Variants in CRISPLD1 observed in about 807,000 individuals in gnomAD.
CRISPLD1 encodes the protein cysteine-rich secretory protein LCCL domain-containing 1.
In CRISPLD1, 60 loss-of-function variants were observed where a neutral mutation model predicts 77.5. That is an observed-to-expected ratio of 0.77 (90% confidence interval 0.63 to 0.96). The LOEUF is 0.96. Ranked by LOEUF, CRISPLD1 falls within the 40% of genes least tolerant of loss-of-function variation. The pLI is 0.00. For synonymous variants in CRISPLD1, 195 were observed against 200.1 expected, an observed-to-expected ratio of 0.97 and a Z score of 0.22; for missense variants, 623 against 615.8, an observed-to-expected ratio of 1.01 and a Z score of -0.12.
intron 2 of CRISPLD1, 150 bp downstream of exon 2, chr8:74,986,395 T>G (rs7010775): frequency 1.2e-6 from 1 of 800,836 alleles, no homozygotes. Context: ...ATTCGTTTAT[T>G]AATGTTCCTT....
chr8:75,018,557 C>T (rs1260363127), intron 10 of CRISPLD1, among the ~76,000 whole-genome samples: 2 of 151,974 alleles, frequency 1.3e-5, no homozygotes, highest in Non-Finnish European at 2.9e-5. Context: ...TCACAAAGTA[C>T]TGGGATTACA....
At chr8:75,000,742 A>T (rs1032603555) in intron 2 of CRISPLD1, among the ~76,000 whole-genome samples, 6 of 151,940 alleles carry the variant, frequency 3.9e-5, no homozygotes, top group African/African-American at 1.5e-4. Context: ...CTAGCCTCAC[A>T]TTCCTTTGTA....
In CRISPLD1 at chr8:75,020,019, C is replaced by A; in HGVS notation, c.1184C>A (p.Thr395Asn). The change falls in exon 12 of 15, where the codon ACT (threonine) becomes AAT (asparagine). Residue 395 changes from threonine to asparagine, a missense_variant. By Grantham distance (65) the Thr-to-Asn change is moderately conservative (BLOSUM62 0). Coordinates refer to ENST00000262207, the MANE Select transcript of CRISPLD1 (RefSeq NM_031461.6). ...TVSKVTVQAV[T>N]CETTVEQLCP... ...TTTAATTCTTCAGTTCAGGCTGTGA[C>A]TTGTGAAACAACTGTGGAACAGCTC... 6.2e-7 allele frequency: 1 copy of A among 1,614,142 alleles called. No homozygotes were observed. Among genetic ancestry groups the A allele is most frequent in the Non-Finnish European group, 8.5e-7 (1 of 1,179,988 alleles).
chr8:74,992,485 A>G (rs1812586708), intron 2 of CRISPLD1, among the ~76,000 whole-genome samples: 1 of 152,220 alleles, frequency 6.6e-6, no homozygotes. Context: ...ATAAAGTTCA[A>G]AATAGTTTGC....
rs765136344 is a variant in CRISPLD1 at position 75,029,405 on chromosome 8, G to A, written c.1339G>A (p.Ala447Thr). 1.2e-6 allele frequency: 2 copies of A among 1,613,270 alleles called. No individual in the cohort carries two copies. The highest frequency in any genetic ancestry group is 1.7e-6 in the Non-Finnish European group (2 of 1,179,582). The change falls in exon 14 of 15, where the codon GCA (alanine) becomes ACA (threonine). Residue 447 changes from alanine to threonine, a missense_variant. Coordinates refer to ENST00000262207, the MANE Select transcript of CRISPLD1 (RefSeq NM_031461.6). ...TTCTCAGCTGTCCAGTATCTGCAGA[G>A]CAGCAGTACATGCTGGAGTGGTTCG... ...VYSDLSSICR[A>T]AVHAGVVRNH... is the part of the protein sequence containing the mutation.
intron 2 of CRISPLD1, among the ~76,000 whole-genome samples, chr8:74,990,522 A>G (rs2128780766): frequency 6.6e-6 from 1 of 152,112 alleles, no homozygotes; most frequent in East Asian, 1.9e-4. Context: ...GACTTTAAAT[A>G]TCCTATGTTT....
intron 9 of CRISPLD1, 51 bp downstream of exon 9, chr8:75,017,164 T>C (rs1195060923): frequency 6.4e-7 from 1 of 1,556,396 alleles, no homozygotes; most frequent in Admixed American, 1.7e-5. Flanking sequence ...CCATGTAATA[T>C]TTGATTTTTA....
intron 2 of CRISPLD1, among the ~76,000 whole-genome samples, chr8:75,002,806 C>T (rs1156805492): frequency 2.0e-5 from 3 of 152,072 alleles, no homozygotes; most frequent in African/African-American, 7.2e-5. Flanking sequence ...GGAGCTATCT[C>T]GTGAGACATA....
chr8:74,993,922 A>G (rs1812611291), intron 2 of CRISPLD1, among the ~76,000 whole-genome samples: 1 of 152,232 alleles, frequency 6.6e-6, no homozygotes, highest in African/African-American at 2.4e-5. Context: ...CATGTGGCAG[A>G]CAGAGGGAGC....
rs1554533856 is a variant in CRISPLD1, at chr8:75,016,957, ATT to A, written c.929+19_929+20del. On this transcript the variant is annotated intron_variant, in intron 8 of 14. Transcript: ENST00000262207. ...CCTGCAATAGGTAATATTTGTTATT[ATT>A]TTGAAAATTAATTGAATATAATAAA... 2 of 1,518,070 alleles carry A rather than the reference ATT, an allele frequency of 1.3e-6. No homozygotes were observed. The highest frequency in any genetic ancestry group is 2.8e-5 in the African/African-American group (2 of 71,812). The allele number at this position is 1,518,070 out of a possible 1,614,324, so 94.0% of individuals were successfully genotyped here.
chr8:75,021,202 T>C (rs1469233868), intron 12 of CRISPLD1, among the ~76,000 whole-genome samples: 2 of 152,200 alleles, frequency 1.3e-5, no homozygotes, highest in African/African-American at 2.4e-5. Flanking sequence ...GAAAGCAATG[T>C]TTCACTTAAA....
In CRISPLD1 at chr8:75,029,645, C is replaced by T. The variant is rs574257607; in HGVS notation, c.1451+128C>T. On this transcript the variant is annotated intron_variant, in intron 14 of 14. Transcript: ENST00000262207. ...AGTTAAGTGGCAGAGCCAGTGTGTT[C>T]CTTTGCACACTTGTGTACCAGTCAG... is the stretch of plus-strand genomic sequence containing the variant. The T allele has an allele frequency of 5.8e-6, 5 of 861,076 alleles. No homozygotes were observed. The Admixed American group carries it at 1.0e-4, about 17-fold the overall frequency. 53.3% of individuals were successfully genotyped at this position (861,076 alleles called of 1,614,324 possible). A position where few individuals can be genotyped will look rare whatever the true frequency, so the allele number is the denominator to read the frequency against.
intron 2 of CRISPLD1, among the ~76,000 whole-genome samples, chr8:75,003,623 G>A (rs1563395066): frequency 6.6e-6 from 1 of 151,924 alleles, no homozygotes; most frequent in Non-Finnish European, 1.5e-5. Flanking sequence ...CTTACAAAAT[G>A]GCCTAATGTC....
At chr8:75,013,859 G>T (rs771781476) in intron 4 of CRISPLD1, 128 bp from the exon 5 acceptor site, 13 of 637,744 alleles carry the variant, frequency 2.0e-5, no homozygotes, top group Admixed American at 1.4e-4. Flanking sequence ...TTTTTGATTT[G>T]ATCTCAGTTC....
chr8:75,017,219 A>G, intron 9 of CRISPLD1, 101 bp from the exon 10 acceptor site: 4 of 1,540,612 alleles, frequency 2.6e-6, no homozygotes, highest in Non-Finnish European at 3.6e-6. Context: ...TTTTGCTCAG[A>G]AATGTTTATT....
At chr8:75,011,880 A>G (rs540146051) in intron 2 of CRISPLD1, among the ~76,000 whole-genome samples, 12 of 152,300 alleles carry the variant, frequency 7.9e-5, no homozygotes, top group East Asian at 5.8e-4. Flanking sequence ...TGATATTACA[A>G]TGTAATAAGT....
chr8:74,990,139 G>A (rs1476411763), intron 2 of CRISPLD1, among the ~76,000 whole-genome samples: 1 of 152,012 alleles, frequency 6.6e-6, no homozygotes, highest in Non-Finnish European at 1.5e-5. Context: ...ATTATGTAAC[G>A]TGTATATTAC....
chr8:75,012,825 G>A, intron 3 of CRISPLD1, 65 bp from the exon 4 acceptor site: 5 of 1,525,262 alleles, frequency 3.3e-6, no homozygotes, highest in Non-Finnish European at 4.4e-6. Flanking sequence ...AATGTATTTT[G>A]CAATATTTAG....
chr8:74,991,990 A>G (rs1587004469), intron 2 of CRISPLD1, among the ~76,000 whole-genome samples: 2 of 152,176 alleles, frequency 1.3e-5, no homozygotes, highest in Non-Finnish European at 2.9e-5. Flanking sequence ...TTTCCTTTCT[A>G]AGACTGAATT....
Sources: gnomAD v4.1 joint callset for allele counts (sites outside exome capture counted in the v4.1 genomes callset) on GRCh38, gnomAD v4.1.1 for gene constraint, MANE v1.5 for transcripts, NCBI Gene and HGNC (gene_info 2026-07-23, HGNC 2026-07-21) for gene names.